The following KIF26B variants were observed in gnomAD, a reference collection of about 807,000 sequenced individuals.
KIF26B encodes kinesin family member 26B, also known as kinesin-like protein KIF26B.
Under a neutral mutation model 151.2 loss-of-function variants are expected in KIF26B, and 63 were observed. The ratio of observed to expected loss-of-function variants is 0.42; its 90% CI spans 0.34 to 0.51. The LOEUF (loss-of-function observed/expected upper bound fraction) is 0.51. Ranked by LOEUF, KIF26B falls within the 20% of genes least tolerant of loss-of-function variation. The pLI, the probability that KIF26B is intolerant of heterozygous loss-of-function variation, is 0.07. For synonymous variants in KIF26B, 1,357 were observed against 1,262.1 expected (o/e 1.08, Z -1.59); for missense variants, 2,813 against 2,913.6 (o/e 0.97, Z 0.79).
intron 4 of KIF26B, among the ~76,000 whole-genome samples, chr1:245,522,081 G>T (rs184104889): frequency 6.6e-6 from 1 of 152,136 alleles, no homozygotes; most frequent in African/African-American, 2.4e-5. Context: ...GTGTTAGCCA[G>T]GATGGTCTCG....
At chr1:245,313,752 C>G (rs1213402926) in intron 2 of KIF26B, among the ~76,000 whole-genome samples, 3 of 152,204 alleles carry the variant, frequency 2.0e-5, no homozygotes, top group Non-Finnish European at 4.4e-5. Context: ...TCCTAAGTCT[C>G]TGCACATGAT....
chr1:245,344,171 TCTCC>T (rs941907066), intron 2 of KIF26B, among the ~76,000 whole-genome samples: 8 of 149,834 alleles, frequency 5.3e-5, no homozygotes, highest in Non-Finnish European at 8.9e-5. Flanking sequence ...CCCCTCCCTG[TCTCC>T]CTCCCTATCT....
chr1:245,480,751 G>C (rs1660148218), intron 4 of KIF26B, among the ~76,000 whole-genome samples: 1 of 146,500 alleles, frequency 6.8e-6, no homozygotes, highest in Admixed American at 6.9e-5. Flanking sequence ...CAAGTGCTAA[G>C]TAGTTTAATC....
chr1:245,415,494 A>C (rs1396295425), intron 3 of KIF26B, among the ~76,000 whole-genome samples: 2 of 152,036 alleles, frequency 1.3e-5, no homozygotes, highest in Non-Finnish European at 2.9e-5. Context: ...CCAACTCAGC[A>C]CTCCAAAGAC....
chr1:245,684,323 G>A lies in KIF26B; in HGVS notation c.2349G>A (p.Gly783=). The A allele has an allele frequency of 6.2e-7, 1 of 1,613,958 alleles. No individual in the cohort carries two copies. Among genetic ancestry groups the A allele is most frequent in the Non-Finnish European group, 8.5e-7 (1 of 1,179,868 alleles). The change falls in exon 11 of 15, where the codon GGG becomes GGA. Residue 783 remains glycine, a synonymous_variant. Coordinates refer to ENST00000407071, the MANE Select transcript of KIF26B (RefSeq NM_018012.4). ...TCGCGCACATCTCGGCCGCGGTCGG[G>A]AGCTACGCGGAGACCCTGTCCACCA... ...TMIAHISAAV[G]SYAETLSTIQ...
chr1:245,534,541 G>A (rs1007394257), intron 4 of KIF26B, among the ~76,000 whole-genome samples: 1 of 152,136 alleles, frequency 6.6e-6, no homozygotes, highest in African/African-American at 2.4e-5. Context: ...ATAAGGCACA[G>A]ATAATTATAT....
In KIF26B at chr1:245,209,690, T is replaced by C. The variant is rs144700306; in HGVS notation, c.465+53007T>C. 4.9e-3 allele frequency among the ~76,000 whole-genome samples: 739 copies of C among 152,246 alleles called. 6 individuals carry two copies. Among genetic ancestry groups the C allele is most frequent in the African/African-American group, 0.016 (664 of 41,550 alleles). On this transcript the variant is annotated intron_variant, in intron 2 of 14. Transcript: ENST00000407071. Reference sequence around the variant, plus strand: ...ATTTCAGGGGTAAATTCCGAGAACATTGTACACACATAAGAAATAATGCAA... The same window carrying C: ...ATTTCAGGGGTAAATTCCGAGAACACTGTACACACATAAGAAATAATGCAA...
chr1:245,525,554 A>G (rs897658283), intron 4 of KIF26B, among the ~76,000 whole-genome samples: 4 of 152,270 alleles, frequency 2.6e-5, no homozygotes, highest in African/African-American at 9.6e-5. Flanking sequence ...CTCAAATTAC[A>G]GGCAACTTGT....
At chr1:245,396,181 A>G (rs1376412234) in intron 3 of KIF26B, among the ~76,000 whole-genome samples, 2 of 152,182 alleles carry the variant, frequency 1.3e-5, no homozygotes, top group African/African-American at 4.8e-5. Flanking sequence ...AAAACATGGG[A>G]TCAGTGTACT....
chr1:245,690,521 A>G (rs1271289175), intron 12 of KIF26B, among the ~76,000 whole-genome samples: 2 of 152,182 alleles, frequency 1.3e-5, no homozygotes, highest in African/African-American at 2.4e-5. Flanking sequence ...TTCCAAATGT[A>G]AGGGCTGTGG....
At chr1:245,499,762 C>G (rs1039073626) in intron 4 of KIF26B, among the ~76,000 whole-genome samples, 13 of 152,212 alleles carry the variant, frequency 8.5e-5, no homozygotes, top group Non-Finnish European at 1.6e-4. Flanking sequence ...CCTGGAGGGC[C>G]ATAGAGCTGG....
chr1:245,403,553 C>T (rs1041715364), intron 3 of KIF26B, among the ~76,000 whole-genome samples: 21 of 151,820 alleles, frequency 1.4e-4, no homozygotes, highest in African/African-American at 4.4e-4. Flanking sequence ...TGTGTGTGTG[C>T]GCGCGCATGT....
At position 245,230,465 on chromosome 1, in the gene KIF26B, G is replaced by A. The variant is rs191786533; in HGVS notation, c.465+73782G>A. 1.5e-3 allele frequency among the ~76,000 whole-genome samples: 234 copies of A among 152,256 alleles called. 1 individual carries two copies. The highest frequency in any genetic ancestry group is 5.2e-3 in the African/African-American group (216 of 41,552). On this transcript the variant is annotated intron_variant, in intron 2 of 14. Transcript: ENST00000407071. ...AATTTGCTATAAAAAGAAAACTGCCGGGCGTGGTGGCTCACGCCTGTAATC... is the reference window on the plus strand; with the variant it reads ...AATTTGCTATAAAAAGAAAACTGCCAGGCGTGGTGGCTCACGCCTGTAATC...
Position 245,684,362 on chromosome 1 carries a change from G to GA in KIF26B, c.2389dup (p.Arg797LysfsTer46). On this transcript the variant is annotated frameshift_variant, in exon 11 of 15. Transcript: ENST00000407071. LOFTEE classifies it high-confidence loss of function. ...CCCTGTCCACCATCCAGATTGCATC[G>GA]AGAGTCTTGAGGATGAAGAAAAAGA... The GA allele has an allele frequency of 6.2e-7, 1 of 1,613,398 alleles. No homozygotes were observed. The highest frequency in any genetic ancestry group is 8.5e-7 in the Non-Finnish European group (1 of 1,179,620).
chr1:245,600,102 G>A (rs2043376316), intron 5 of KIF26B, among the ~76,000 whole-genome samples: 3 of 146,512 alleles, frequency 2.0e-5, no homozygotes, highest in Non-Finnish European at 4.5e-5. Context: ...GTAATGGCGT[G>A]ATCTTGGCTC....
At chr1:245,433,343 T>C (rs1340077420) in intron 4 of KIF26B, among the ~76,000 whole-genome samples, 5 of 151,652 alleles carry the variant, frequency 3.3e-5, no homozygotes, top group Non-Finnish European at 7.4e-5. Flanking sequence ...GGTGGGCACC[T>C]GTAGCCCCAG....
intron 10 of KIF26B, among the ~76,000 whole-genome samples, chr1:245,655,067 C>T (rs1298111850): frequency 6.6e-6 from 1 of 152,194 alleles, no homozygotes; most frequent in Non-Finnish European, 1.5e-5. Flanking sequence ...GTGGTGGAAT[C>T]GCTGTGCTTT....
intron 10 of KIF26B, among the ~76,000 whole-genome samples, chr1:245,651,923 G>A (rs913010621): frequency 6.6e-6 from 1 of 152,130 alleles, no homozygotes; most frequent in Non-Finnish European, 1.5e-5. Context: ...GGACTGCGGA[G>A]CCATGGCATT....
At chr1:245,321,915 C>T in intron 2 of KIF26B, among the ~76,000 whole-genome samples, 1 of 152,268 alleles carries the variant, frequency 6.6e-6, no homozygotes, top group East Asian at 1.9e-4. Flanking sequence ...GCCCCTGTGG[C>T]CACAACTAGA....
Sources: allele counts gnomAD v4.1 joint callset (sites outside exome capture counted in the v4.1 genomes callset), GRCh38; gene constraint gnomAD v4.1.1; transcripts MANE v1.5; gene names NCBI Gene and HGNC (gene_info 2026-07-23, HGNC 2026-07-21).